The following FOXP1 variants were observed in gnomAD, a reference collection of about 807,000 sequenced individuals.
FOXP1 encodes the protein forkhead box protein P1.
FOXP1 carries 15 observed loss-of-function variants against 98.2 expected under a neutral mutation model. The ratio of observed to expected loss-of-function variants is 0.15; its 90% CI spans 0.10 to 0.24. The LOEUF is 0.24. FOXP1 is among the 10% of genes least tolerant of loss of function. The pLI is 1.00. For synonymous variants in FOXP1, 371 were observed against 314.5 expected (o/e 1.18, Z -1.90); for missense variants, 633 against 848.5 (o/e 0.75, Z 3.15).
chr3:71,336,740 C>A (rs1254298429), intron 4 of FOXP1, among the ~76,000 whole-genome samples: 1 of 152,156 alleles, frequency 6.6e-6, no homozygotes, highest in Non-Finnish European at 1.5e-5. Context: ...GGATTAATGA[C>A]CGTCAATATC....
chr3:71,274,705 C>T (rs909192193), intron 5 of FOXP1, among the ~76,000 whole-genome samples: 2 of 152,216 alleles, frequency 1.3e-5, no homozygotes, highest in South Asian at 2.1e-4. Context: ...CATACGGAAT[C>T]GAAAGTCAGG....
chr3:71,109,238 G>C (rs901218675), intron 7 of FOXP1, among the ~76,000 whole-genome samples: 1 of 152,144 alleles, frequency 6.6e-6, no homozygotes, highest in African/African-American at 2.4e-5. Context: ...CCTGAAATTA[G>C]ACCAAATTGG....
At chr3:71,328,937 C>T (rs1291928116) in intron 4 of FOXP1, among the ~76,000 whole-genome samples, 1 of 142,068 alleles carries the variant, frequency 7.0e-6, no homozygotes, top group Non-Finnish European at 1.5e-5. Context: ...TGCCATTGCA[C>T]TCCAGCCCGG....
chr3:71,269,008 G>A (rs1419041489), intron 5 of FOXP1, among the ~76,000 whole-genome samples: 2 of 152,002 alleles, frequency 1.3e-5, no homozygotes, highest in African/African-American at 4.8e-5. Flanking sequence ...GTAAATGAAC[G>A]TAGACAGATA....
rs114782440 is a variant in FOXP1 at position 71,358,635 on chromosome 3, G to A, written c.-73+515C>T. Among the ~76,000 whole-genome samples, 1,428 of 152,286 alleles carry A rather than the reference G, an allele frequency of 9.4e-3. 25 individuals are homozygous for A. The highest frequency in any genetic ancestry group is 0.032 in the African/African-American group (1,312 of 41,546). The stretch of plus-strand genomic sequence containing the variant: ...ATAAATGGTTTGCTCAAGGTCAGAC[G>A]GAGTGGTACCCAGCGAGGTGTCAGG... On this transcript the variant is annotated intron_variant, in intron 4 of 20. Coordinates refer to ENST00000649528, the MANE Select transcript of FOXP1 (RefSeq NM_001349338.3).
chr3:71,071,049 C>T (rs575992134), intron 7 of FOXP1, among the ~76,000 whole-genome samples: 1 of 152,190 alleles, frequency 6.6e-6, no homozygotes, highest in African/African-American at 2.4e-5. Context: ...TTTTCCGGGG[C>T]TCTGCGCTCG....
At chr3:71,407,313 G>T (rs1456760249) in intron 3 of FOXP1, among the ~76,000 whole-genome samples, 1 of 152,080 alleles carries the variant, frequency 6.6e-6, no homozygotes, top group South Asian at 2.1e-4. Context: ...CTGGGGTGGG[G>T]GGTGGCGGGA....
At chr3:71,278,390 A>G (rs1485822837) in intron 5 of FOXP1, among the ~76,000 whole-genome samples, 3 of 152,012 alleles carry the variant, frequency 2.0e-5, no homozygotes, top group African/African-American at 7.2e-5. Context: ...AAGGTGGTCT[A>G]TGGTATCTCA....
At position 70,970,631 on chromosome 3, in the gene FOXP1, C is replaced by T. The variant is rs146172472; in HGVS notation, c.1722+105G>A. 7.9e-5 allele frequency: 79 copies of T among 1,003,602 alleles called. 1 individual carries two copies. The highest frequency in any genetic ancestry group is 1.1e-4 in the Non-Finnish European group (69 of 624,530). The allele number at this position is 1,003,602 out of a possible 1,614,324, so 62.2% of individuals were successfully genotyped here. On this transcript the variant is annotated intron_variant, in intron 19 of 20. Transcript: ENST00000649528. ...TTGTGCACTTAAGAAAAAAGTTTAA[C>T]GGAATTAAAATTTAATATCTAATTA...
At position 71,173,383 on chromosome 3, in the gene FOXP1, TCACACACACACACA is replaced by T. The variant is rs3064895; in HGVS notation, c.180+24805_180+24818del. Among the ~76,000 whole-genome samples the T allele has an allele frequency of 2.2e-4, 31 of 143,308 alleles. 1 individual carries two copies. The highest frequency in any genetic ancestry group is 4.2e-4 in the African/African-American group (16 of 38,428). 94.0% of individuals were successfully genotyped at this position (143,308 alleles called of 152,430 possible). A position where few individuals can be genotyped will look rare whatever the true frequency, so the allele number is the denominator to read the frequency against. On this transcript the variant is annotated intron_variant, in intron 6 of 20. Coordinates refer to ENST00000649528, the MANE Select transcript of FOXP1 (RefSeq NM_001349338.3). ...TCAATTTAGAAAAAAAAGAAAAAAT[TCACACACACACACA>T]CACACACACACACACACACACACAC...
At chr3:71,035,665 G>A (rs940904852) in intron 11 of FOXP1, among the ~76,000 whole-genome samples, 15 of 152,210 alleles carry the variant, frequency 9.9e-5, no homozygotes, top group Admixed American at 2.0e-4. Context: ...GGTGGAATTT[G>A]ACCACAGGTT....
At chr3:71,469,740 C>T (rs1205169181) in intron 3 of FOXP1, among the ~76,000 whole-genome samples, 1 of 152,116 alleles carries the variant, frequency 6.6e-6, no homozygotes, top group Non-Finnish European at 1.5e-5. Context: ...GAGCTAAAAA[C>T]CGTAAAAGCT....
At chr3:71,255,329 T>C (rs547807099) in intron 5 of FOXP1, among the ~76,000 whole-genome samples, 90 of 152,284 alleles carry the variant, frequency 5.9e-4, no homozygotes, top group African/African-American at 2.1e-3. Context: ...AATGCAACTA[T>C]AGAGACAGAA....
In FOXP1 at chr3:71,233,182, GA is replaced by G. The variant is rs796306447; in HGVS notation, c.-11-34791del. Among the ~76,000 whole-genome samples, 11 of 137,876 alleles carry G rather than the reference GA, an allele frequency of 8.0e-5. 1 individual carries two copies. Among genetic ancestry groups the G allele is most frequent in the African/African-American group, 2.9e-4 (11 of 38,048 alleles). 90.5% of individuals were successfully genotyped at this position (137,876 alleles called of 152,430 possible). A position where few individuals can be genotyped will look rare whatever the true frequency, so the allele number is the denominator to read the frequency against. On this transcript the variant is annotated intron_variant, in intron 5 of 20. Transcript: ENST00000649528. ...AAGAAAAGAGGGAAAGAGAGAAAGC[GA>G]AAGAAATAGAAAGGTAAGAAAGGGA...
intron 12 of FOXP1, among the ~76,000 whole-genome samples, chr3:71,012,401 T>A (rs921257322): frequency 1.3e-5 from 2 of 152,236 alleles, no homozygotes; most frequent in Admixed American, 6.5e-5. Flanking sequence ...ATCACTACTC[T>A]GAATGATAAT....
At chr3:71,556,477 T>C (rs1197220802) in intron 2 of FOXP1, among the ~76,000 whole-genome samples, 1 of 146,884 alleles carries the variant, frequency 6.8e-6, no homozygotes, top group East Asian at 2.0e-4. Context: ...CTCGGGAGGC[T>C]GAGGCAGGAG....
intron 6 of FOXP1, among the ~76,000 whole-genome samples, chr3:71,127,179 C>A (rs1309124830): frequency 6.6e-6 from 1 of 152,028 alleles, no homozygotes; most frequent in East Asian, 1.9e-4. Context: ...CTTTAGAAAC[C>A]CAGGAAGGAG....
At chr3:71,500,216 C>T (rs2041231016) in intron 2 of FOXP1, among the ~76,000 whole-genome samples, 1 of 152,224 alleles carries the variant, frequency 6.6e-6, no homozygotes, top group Non-Finnish European at 1.5e-5. Flanking sequence ...TTTAAGTAAA[C>T]CCACTAGACT....
At chr3:71,225,971 A>C (rs534114284) in intron 5 of FOXP1, among the ~76,000 whole-genome samples, 7 of 152,336 alleles carry the variant, frequency 4.6e-5, no homozygotes, top group African/African-American at 1.7e-4. Context: ...TACCAAAAAA[A>C]ACTTTCACTT....
Sources: gnomAD v4.1 joint callset for allele counts (sites outside exome capture counted in the v4.1 genomes callset) on GRCh38, gnomAD v4.1.1 for gene constraint, MANE v1.5 for transcripts, NCBI Gene and HGNC (gene_info 2026-07-23, HGNC 2026-07-21) for gene names.